HTT: variants seen among roughly 807,000 people sequenced by gnomAD.
HTT encodes the protein huntington disease protein.
A neutral mutation model predicts 362.3 loss-of-function variants in HTT; 104 were observed. The observed-to-expected ratio is 0.29, with a 90% CI of 0.24 to 0.34. The LOEUF (loss-of-function observed/expected upper bound fraction) is 0.34, where lower values mean the gene tolerates loss of function less well. Ranked by LOEUF, HTT falls within the 10% of genes least tolerant of loss-of-function variation. The pLI, the probability that HTT is intolerant of heterozygous loss-of-function variation, is 1.00. For missense variants in HTT, 3,301 were observed against 3,928.6 expected, an observed-to-expected ratio of 0.84 and a Z score of 4.27; for synonymous variants, 1,577 against 1,548.7, an observed-to-expected ratio of 1.02 and a Z score of -0.43.
chr4:3,229,009 C>T lies in HTT; in HGVS notation c.8109C>T (p.Ser2703=), dbSNP rs570616330. The change falls in exon 59 of 67, where the codon TCC becomes TCT. Residue 2703 remains serine, a splice_region_variant and synonymous_variant. Coordinates refer to ENST00000355072, the MANE Select transcript of HTT (RefSeq NM_001388492.1). The stretch of plus-strand genomic sequence containing the variant: ...TCCTGATCAGTGAGGTGGTCAGATC[C>T]GTAAGTGAGCCTTCCCATTCCCCTC... ...PAILISEVVR[S]LLVVSDLFTE... 1.2e-5 allele frequency: 19 copies of T among 1,610,718 alleles called. 1 individual carries two copies. The highest frequency in any genetic ancestry group is 3.3e-4 in the Middle Eastern group (2 of 6,048).
At chr4:3,164,020 G>T (rs1022520095) in intron 29 of HTT, among the ~76,000 whole-genome samples, 1 of 151,602 alleles carries the variant, frequency 6.6e-6, no homozygotes, top group Non-Finnish European at 1.5e-5. Flanking sequence ...GTGATGTTAG[G>T]GTGTTAATTT....
At chr4:3,094,693 C>T (rs1195164351) in intron 2 of HTT, among the ~76,000 whole-genome samples, 4 of 109,936 alleles carry the variant, frequency 3.6e-5, no homozygotes, top group Admixed American at 8.4e-5. Flanking sequence ...CCGGACGGGG[C>T]GGCTGGCCGG....
chr4:3,100,128 A>C (rs1304014939), intron 3 of HTT, among the ~76,000 whole-genome samples: 2 of 152,210 alleles, frequency 1.3e-5, no homozygotes, highest in African/African-American at 4.8e-5. Flanking sequence ...GGCACCAGAG[A>C]AGCCAGAGCT....
At chr4:3,151,697 A>T (rs545102101) in intron 26 of HTT, among the ~76,000 whole-genome samples, 83 of 152,190 alleles carry the variant, frequency 5.5e-4, no homozygotes, top group Middle Eastern at 3.4e-3. Flanking sequence ...TTCATCCCGA[A>T]ACCATCCCCC....
intron 3 of HTT, 132 bp from the exon 4 acceptor site, chr4:3,103,692 A>G (rs1210906122): frequency 7.9e-6 from 5 of 634,070 alleles, no homozygotes; most frequent in African/African-American, 1.8e-5. Context: ...TTCATTCTTA[A>G]TGAATATATT....
At chr4:3,133,471 G>C (rs886419514) in intron 18 of HTT, among the ~76,000 whole-genome samples, 18 of 151,208 alleles carry the variant, frequency 1.2e-4, no homozygotes, top group African/African-American at 4.4e-4. Context: ...CCTCTAGCCT[G>C]GGCAACAGAG....
intron 6 of HTT, among the ~76,000 whole-genome samples, chr4:3,113,311 C>T (rs970335887): frequency 7.2e-5 from 11 of 152,024 alleles, no homozygotes; most frequent in African/African-American, 2.7e-4. Context: ...TTGTGCTTGT[C>T]TATTTGGACT....
At chr4:3,180,471 A>G (rs1238588704) in intron 35 of HTT, 44 bp from the exon 36 acceptor site, 1 of 1,512,370 alleles carries the variant, frequency 6.6e-7, no homozygotes, top group Non-Finnish European at 8.8e-7. Flanking sequence ...TCCAAATGTA[A>G]TTTCCATGAA....
chr4:3,099,747 T>C (rs1714057138), intron 3 of HTT, among the ~76,000 whole-genome samples: 2 of 151,406 alleles, frequency 1.3e-5, no homozygotes, highest in South Asian at 4.2e-4. Flanking sequence ...CTCTATTGTA[T>C]GGTTTGGAAG....
intron 59 of HTT, 83 bp from the exon 60 acceptor site, chr4:3,229,804 G>A: frequency 7.1e-7 from 1 of 1,414,324 alleles, no homozygotes; most frequent in Non-Finnish European, 9.9e-7. Flanking sequence ...AACACGACTT[G>A]CCAGTAGTAG....
chr4:3,181,247 A>G (rs1718511990), intron 36 of HTT, among the ~76,000 whole-genome samples: 1 of 152,330 alleles, frequency 6.6e-6, no homozygotes, highest in South Asian at 2.1e-4. Flanking sequence ...GAGAGTCACG[A>G]GATCGTTCAA....
At chr4:3,197,990 A>T (rs74737633) in intron 40 of HTT, among the ~76,000 whole-genome samples, 2 of 152,154 alleles carry the variant, frequency 1.3e-5, no homozygotes, top group African/African-American at 4.8e-5. Context: ...GGAGGGGACA[A>T]TGCTGACCAG....
At chr4:3,175,753 C>G (rs363138) in intron 33 of HTT, among the ~76,000 whole-genome samples, 2,438 of 152,320 alleles carry the variant, frequency 0.016, 40 homozygotes, top group Non-Finnish European at 0.026. Flanking sequence ...TAAATCACTG[C>G]AGATGAAACT....
At chr4:3,221,108 C>A (rs1720652705) in intron 53 of HTT, among the ~76,000 whole-genome samples, 1 of 152,152 alleles carries the variant, frequency 6.6e-6, no homozygotes, top group Non-Finnish European at 1.5e-5. Context: ...ATGTTCCTGT[C>A]TTGTCCTAGA....
rs147499239 is a variant in HTT at position 3,100,189 on chromosome 4, A to G, written c.468+795A>G. ...TTTTCTTAACCATAAAATGGGATCA[A>G]TGTTTTTGTGGCATGTGTATGAGTG... is the stretch of plus-strand genomic sequence containing the variant. On this transcript the variant is annotated intron_variant, in intron 3 of 66. Transcript: ENST00000355072. Among the ~76,000 whole-genome samples the G allele has an allele frequency of 2.0e-3, 303 of 152,302 alleles. 3 individuals are homozygous for G. Among genetic ancestry groups the G allele is most frequent in the Non-Finnish European group, 3.4e-3 (234 of 68,026 alleles).
At position 3,127,311 on chromosome 4, in the gene HTT, G is replaced by T; in HGVS notation, c.1450G>T (p.Val484Phe). The change falls in exon 12 of 67, where the codon GTT (valine) becomes TTT (phenylalanine). Residue 484 changes from valine to phenylalanine, a missense_variant. Val to Phe is a conservative substitution (Grantham distance 50). Transcript: ENST00000355072. ...TGGAGAGCTGGCTGCTTCTTCAGGG[G>T]TTTCCACTCCAGGGTCAGCAGGTCA... ...ISGELAASSG[V>F]STPGSAGHDI... 6.2e-7 allele frequency: 1 copy of T among 1,614,226 alleles called. No individual in the cohort carries two copies. The highest frequency in any genetic ancestry group is 1.3e-5 in the African/African-American group (1 of 75,066).
intron 23 of HTT, among the ~76,000 whole-genome samples, chr4:3,144,595 C>T (rs1716511328): frequency 1.3e-5 from 2 of 152,186 alleles, no homozygotes; most frequent in South Asian, 2.1e-4. Context: ...GGATTACAGG[C>T]GTGAGCTACT....
In HTT at chr4:3,186,815, G is replaced by T. The variant is rs543801668; in HGVS notation, c.4989+96G>T. Reference sequence around the variant, plus strand: ...CCAGAATGTCTGAGTCAGTCAGTTTGGGTAGGGCTTCTTGAGAGTTTGCTT... The same window carrying T: ...CCAGAATGTCTGAGTCAGTCAGTTTTGGTAGGGCTTCTTGAGAGTTTGCTT... On this transcript the variant is annotated intron_variant, in intron 38 of 66. Coordinates refer to ENST00000355072, the MANE Select transcript of HTT (RefSeq NM_001388492.1). The T allele has an allele frequency of 6.6e-5, 72 of 1,097,500 alleles. No individual in the cohort carries two copies. In the Middle Eastern group the frequency reaches 1.0e-3, roughly 16 times the overall value. 68.0% of individuals were successfully genotyped at this position (1,097,500 alleles called of 1,614,324 possible). A position where few individuals can be genotyped will look rare whatever the true frequency, so the allele number is the denominator to read the frequency against.
intron 6 of HTT, chr4:3,112,905 C>G (rs1017586219): frequency 2.1e-5 from 6 of 280,734 alleles, no homozygotes; most frequent in Non-Finnish European, 2.7e-5. Context: ...CTCGCTAGCA[C>G]TTGGAATTGC....
Sources: gnomAD v4.1 joint callset for allele counts (sites outside exome capture counted in the v4.1 genomes callset) on GRCh38, gnomAD v4.1.1 for gene constraint, MANE v1.5 for transcripts, NCBI Gene and HGNC (gene_info 2026-07-23, HGNC 2026-07-21) for gene names.